MAGI3: variants seen among roughly 807,000 people sequenced by gnomAD.
MAGI3 encodes the protein membrane-associated guanylate kinase, WW and PDZ domain-containing protein 3.
In MAGI3, 43 loss-of-function variants were observed where a neutral mutation model predicts 121.8. That is an observed-to-expected ratio of 0.35 (90% CI 0.28 to 0.46). The LOEUF (loss-of-function observed/expected upper bound fraction) is 0.46, where lower values mean the gene tolerates loss of function less well. Ranked by LOEUF, MAGI3 falls within the 20% of genes least tolerant of loss-of-function variation. MAGI3 has a pLI of 1.00. For missense variants in MAGI3, 1,547 were observed against 1,797.3 expected (o/e 0.86, Z 2.52); for synonymous variants, 553 against 639.3 (o/e 0.86, Z 2.04).
rs938753449 is a variant in MAGI3 at position 113,508,932 on chromosome 1, A to AT, written c.317-40574dup. On this transcript the variant is annotated intron_variant, in intron 1 of 20. Coordinates refer to ENST00000307546, the MANE Select transcript of MAGI3 (RefSeq NM_001142782.2). ...TTATCTGGAGAAAATATTTTCCTTG[A>AT]TTTTTTTTTCTTTCTAAAAATGTGT... is the stretch of plus-strand genomic sequence containing the variant. Among the ~76,000 whole-genome samples the AT allele has an allele frequency of 9.8e-4, 148 of 151,652 alleles. No homozygotes were observed. In the Middle Eastern group the frequency reaches 0.014, roughly 14 times the overall value.
intron 1 of MAGI3, 56 bp from the exon 2 acceptor site, chr1:113,549,459 G>A: frequency 1.1e-6 from 1 of 930,056 alleles, no homozygotes. Context: ...ATATTTAAGT[G>A]AACGTCTAAA....
At chr1:113,509,364 TTTTTG>T in intron 1 of MAGI3, among the ~76,000 whole-genome samples, 1 of 143,186 alleles carries the variant, frequency 7.0e-6, no homozygotes, top group East Asian at 2.9e-4. Context: ...TCTTTTTTTT[TTTTTG>T]TTTTCTTTTT....
intron 2 of MAGI3, among the ~76,000 whole-genome samples, chr1:113,556,903 C>G (rs1660015032): frequency 6.6e-6 from 1 of 152,190 alleles, no homozygotes; most frequent in Non-Finnish European, 1.5e-5. Context: ...TGCCAATAAA[C>G]TCAACAACTT....
At chr1:113,446,833 A>G (rs1320547454) in intron 1 of MAGI3, among the ~76,000 whole-genome samples, 1 of 152,256 alleles carries the variant, frequency 6.6e-6, no homozygotes, top group Non-Finnish European at 1.5e-5. Context: ...GGACACAACA[A>G]TTAAAATCTG....
At chr1:113,526,108 G>A (rs576998222) in intron 1 of MAGI3, among the ~76,000 whole-genome samples, 1 of 152,188 alleles carries the variant, frequency 6.6e-6, no homozygotes, top group Admixed American at 6.5e-5. Flanking sequence ...TTTGAAAAAG[G>A]CTTTAAAAAT....
At chr1:113,633,549 C>A (rs1279432052) in intron 9 of MAGI3, among the ~76,000 whole-genome samples, 2 of 152,058 alleles carry the variant, frequency 1.3e-5, no homozygotes, top group Non-Finnish European at 1.5e-5. Context: ...GCGTGAGCCA[C>A]CGCGCCCAGC....
chr1:113,574,515 C>T (rs1234917030), intron 2 of MAGI3, among the ~76,000 whole-genome samples: 2 of 152,092 alleles, frequency 1.3e-5, no homozygotes, highest in Non-Finnish European at 2.9e-5. Flanking sequence ...GAATATTGGT[C>T]GCCTACTCTC....
chr1:113,474,514 A>G (rs1269068999), intron 1 of MAGI3, among the ~76,000 whole-genome samples: 3 of 152,216 alleles, frequency 2.0e-5, no homozygotes, highest in African/African-American at 4.8e-5. Context: ...CATTTATTAC[A>G]TAGGGAATCC....
At chr1:113,523,133 T>C (rs185894407) in intron 1 of MAGI3, among the ~76,000 whole-genome samples, 2 of 152,336 alleles carry the variant, frequency 1.3e-5, no homozygotes, top group African/African-American at 4.8e-5. Context: ...TCTGCCACCA[T>C]GTGAGACGTG....
chr1:113,628,186 A>AT (rs759542069), intron 9 of MAGI3, among the ~76,000 whole-genome samples: 7 of 151,816 alleles, frequency 4.6e-5, no homozygotes, highest in Non-Finnish European at 8.8e-5. Context: ...TATCCATTGT[A>AT]TTTTTTTATT....
At chr1:113,591,163 C>T (rs1316895269) in intron 5 of MAGI3, among the ~76,000 whole-genome samples, 1 of 151,932 alleles carries the variant, frequency 6.6e-6, no homozygotes, top group Non-Finnish European at 1.5e-5. Flanking sequence ...TCACAAAAAA[C>T]ATTATTTTTA....
intron 1 of MAGI3, among the ~76,000 whole-genome samples, chr1:113,546,295 T>G (rs1478653222): frequency 2.6e-5 from 4 of 152,208 alleles, no homozygotes; most frequent in Non-Finnish European, 4.4e-5. Context: ...GTGTGATAAC[T>G]TTTTTGAATA....
At chr1:113,616,137 G>T (rs1394863928) in intron 7 of MAGI3, among the ~76,000 whole-genome samples, 1 of 152,100 alleles carries the variant, frequency 6.6e-6, no homozygotes. Context: ...ATTATGCAAA[G>T]ATATAATATT....
At chr1:113,623,608 C>T (rs1192179085) in intron 9 of MAGI3, among the ~76,000 whole-genome samples, 2 of 151,974 alleles carry the variant, frequency 1.3e-5, no homozygotes. Context: ...CTGCCTCAGC[C>T]TCCCGAGTAG....
chr1:113,431,600 TTTTAAAAAAGACAA>T (rs1488076249), intron 1 of MAGI3, among the ~76,000 whole-genome samples: 1 of 152,146 alleles, frequency 6.6e-6, no homozygotes, highest in Non-Finnish European at 1.5e-5. Flanking sequence ...CCAAAATCTA[TTTTAAAAAAGACAA>T]TATTTATAAT....
At chr1:113,393,984 C>T (rs952778227) in intron 1 of MAGI3, among the ~76,000 whole-genome samples, 3 of 152,096 alleles carry the variant, frequency 2.0e-5, no homozygotes, top group African/African-American at 7.2e-5. Flanking sequence ...TAATACTAAT[C>T]GGAAATGTTC....
chr1:113,432,775 A>T (rs1344343474), intron 1 of MAGI3, among the ~76,000 whole-genome samples: 1 of 152,184 alleles, frequency 6.6e-6, no homozygotes, highest in East Asian at 1.9e-4. Context: ...TTTAATACTG[A>T]TAATAAGACA....
At chr1:113,441,780 A>G (rs1232524848) in intron 1 of MAGI3, among the ~76,000 whole-genome samples, 1 of 152,224 alleles carries the variant, frequency 6.6e-6, no homozygotes. Context: ...AAAAAAGTTA[A>G]GAACATGGAA....
At chr1:113,679,624 A>C (rs1436001393) in intron 19 of MAGI3, among the ~76,000 whole-genome samples, 3 of 152,114 alleles carry the variant, frequency 2.0e-5, no homozygotes, top group Non-Finnish European at 2.9e-5. Flanking sequence ...TTTTAAAATA[A>C]CTCAGACATT....
Sources: allele counts gnomAD v4.1 joint callset (sites outside exome capture counted in the v4.1 genomes callset), GRCh38; gene constraint gnomAD v4.1.1; transcripts MANE v1.5; gene names NCBI Gene and HGNC (gene_info 2026-07-23, HGNC 2026-07-21).